Variants in MARCHF2 observed in about 807,000 individuals in gnomAD.
MARCHF2 encodes membrane associated ring-CH-type finger 2, also known as E3 ubiquitin-protein ligase MARCHF2.
Under a neutral mutation model 24.0 loss-of-function variants are expected in MARCHF2, and 22 were observed. That is an observed-to-expected ratio of 0.92 (90% CI 0.66 to 1.31). MARCHF2 has a LOEUF of 1.31. Ranked by LOEUF, MARCHF2 falls within the 50% of genes most tolerant of loss-of-function variation. The pLI, the probability that MARCHF2 is intolerant of heterozygous loss-of-function variation, is 0.00. For missense variants in MARCHF2, 301 were observed against 335.3 expected (o/e 0.90, Z 0.80); for synonymous variants, 154 against 153.0 (o/e 1.01, Z -0.05).
At chr19:8,431,492 G>A (rs1355629362) in intron 4 of MARCHF2, among the ~76,000 whole-genome samples, 1 of 33,834 alleles carries the variant, frequency 3.0e-5, no homozygotes, top group African/African-American at 1.3e-4. Context: ...AGCGAAACTC[G>A]ATCTCAAAAA....
At chr19:8,426,203 C>G (rs1967395564) in intron 2 of MARCHF2, among the ~76,000 whole-genome samples, 1 of 142,386 alleles carries the variant, frequency 7.0e-6, no homozygotes, top group African/African-American at 2.6e-5. Context: ...TGCACTCCAG[C>G]CTGGGTGACA....
At chr19:8,433,504 G>A (rs960825017) in intron 4 of MARCHF2, among the ~76,000 whole-genome samples, 2 of 151,640 alleles carry the variant, frequency 1.3e-5, no homozygotes, top group African/African-American at 2.4e-5. Context: ...TGGTGAAACC[G>A]TGTCTCTACT....
intron 3 of MARCHF2, among the ~76,000 whole-genome samples, chr19:8,428,891 C>T (rs549861747): frequency 5.9e-5 from 9 of 151,474 alleles, no homozygotes; most frequent in Admixed American, 4.6e-4. Context: ...GCCAAGATTG[C>T]ACCACAGCAC....
chr19:8,435,254 G>A (rs774754305), intron 4 of MARCHF2, among the ~76,000 whole-genome samples: 8 of 152,012 alleles, frequency 5.3e-5, no homozygotes, highest in Non-Finnish European at 8.8e-5. Flanking sequence ...TCTTGACCTC[G>A]TGATCCGCCC....
chr19:8,428,677 A>AAAAAAAAAAAAAAAC (rs1967486728), intron 3 of MARCHF2, among the ~76,000 whole-genome samples: 1 of 139,874 alleles, frequency 7.1e-6, no homozygotes, highest in African/African-American at 2.6e-5. Flanking sequence ...AAAAAAAAAA[A>AAAAAAAAAAAAAAAC]AAAAAACCAA....
intron 2 of MARCHF2, among the ~76,000 whole-genome samples, chr19:8,425,020 G>A (rs770982590): frequency 6.6e-6 from 1 of 152,078 alleles, no homozygotes; most frequent in African/African-American, 2.4e-5. Flanking sequence ...TGATCCTCCT[G>A]CCTCAGCCTC....
At chr19:8,422,103 C>T in intron 2 of MARCHF2, 87 bp downstream of exon 2, 1 of 1,437,678 alleles carries the variant, frequency 7.0e-7, no homozygotes, top group South Asian at 1.4e-5. Flanking sequence ...GGTTAGAAGT[C>T]CAACCGTTGA....
At chr19:8,413,800 TTATAA>T (rs1377972952) in intron 1 of MARCHF2, 1 of 152,166 alleles carries the variant, frequency 6.6e-6, no homozygotes, top group East Asian at 1.9e-4. Context: ...AAATAGTAAG[TTATAA>T]TATAATGACC....
At chr19:8,431,786 C>T (rs949710649) in intron 4 of MARCHF2, among the ~76,000 whole-genome samples, 4 of 151,732 alleles carry the variant, frequency 2.6e-5, no homozygotes, top group Admixed American at 6.6e-5. Context: ...TGCAGAGAGC[C>T]GATATTGCGC....
intron 1 of MARCHF2, 168 bp downstream of exon 1, chr19:8,413,588 C>T (rs1312260500): frequency 1.3e-5 from 2 of 152,156 alleles, no homozygotes; most frequent in African/African-American, 2.4e-5. Context: ...GGTGGGAGGT[C>T]TCCGGGGTCC....
At chr19:8,435,045 A>G (rs1479980334) in intron 4 of MARCHF2, among the ~76,000 whole-genome samples, 2 of 139,392 alleles carry the variant, frequency 1.4e-5, no homozygotes, top group African/African-American at 2.7e-5. Flanking sequence ...TTTGAGACAG[A>G]GTCTCGCTCT....
At position 8,414,546 on chromosome 19, in the gene MARCHF2, G is replaced by C. The variant is rs77309220; in HGVS notation, c.-53+1126G>C. Among the ~76,000 whole-genome samples, 1,322 of 152,262 alleles carry C rather than the reference G, an allele frequency of 8.7e-3. 21 individuals are homozygous for C. The highest frequency in any genetic ancestry group is 0.031 in the African/African-American group (1,287 of 41,550). ...GAACTCCCAAAGTGCACAAAGTGCT[G>C]GGATTACAGGCGTGAGCCACTGCGC... is the stretch of plus-strand genomic sequence containing the variant. On this transcript the variant is annotated intron_variant, in intron 1 of 4. Transcript: ENST00000215555.
chr19:8,430,735 G>T lies in MARCHF2; in HGVS notation c.450G>T (p.Pro150=). 6.2e-7 allele frequency: 1 copy of T among 1,611,300 alleles called. No individual in the cohort carries two copies. The change falls in exon 4 of 5, where the codon CCG becomes CCT. Residue 150 remains proline, a synonymous_variant. Transcript: ENST00000215555. This position sits in a 1 kb window ranked among gnomAD's most constrained non-coding sequence, Gnocchi z 4.4. ...CDMVCFLFIT[P]LAAISGWLCL... ...TGGTGTGTTTCCTGTTCATCACACC[G>T]CTGGCCGCCATCTCAGGCTGGTTGT...
chr19:8,428,949 C>T (rs1015857814), intron 3 of MARCHF2, among the ~76,000 whole-genome samples: 2 of 146,160 alleles, frequency 1.4e-5, no homozygotes, highest in Non-Finnish European at 3.0e-5. Context: ...AAACAAAAAA[C>T]AAAAACCCTA....
At chr19:8,436,205 G>C (rs1006744971) in intron 4 of MARCHF2, among the ~76,000 whole-genome samples, 1 of 151,848 alleles carries the variant, frequency 6.6e-6, no homozygotes, top group Non-Finnish European at 1.5e-5. Flanking sequence ...TGCGATCTTG[G>C]CTCACTGCAA....
intron 1 of MARCHF2, among the ~76,000 whole-genome samples, chr19:8,415,524 T>C (rs1967053545): frequency 6.6e-6 from 1 of 150,568 alleles, no homozygotes; most frequent in Non-Finnish European, 1.5e-5. Context: ...TTTGAGACCA[T>C]CCTGGCCAAC....
chr19:8,420,653 G>C (rs938222922), intron 1 of MARCHF2, among the ~76,000 whole-genome samples: 1 of 151,690 alleles, frequency 6.6e-6, no homozygotes, highest in South Asian at 2.1e-4. Context: ...AGCTTTTCTT[G>C]TCTTCTCTTT....
chr19:8,436,355 G>T lies in MARCHF2; in HGVS notation c.583-2033G>T, dbSNP rs147293887. Among the ~76,000 whole-genome samples, 359 of 152,006 alleles carry T rather than the reference G, an allele frequency of 2.4e-3. 4 individuals are homozygous for T. In the East Asian group the frequency reaches 0.033, roughly 14 times the overall value. On this transcript the variant is annotated intron_variant, in intron 4 of 4. Transcript: ENST00000215555. ...TCACCATGTTGGCCAGGATGGTCTC[G>T]ATCTCTTGACCTCGTGATCTGCCCA...
rs12984334 is a variant in MARCHF2 at position 8,420,263 on chromosome 19, G to A, written c.-52-1526G>A. ...CTTGGGAGGCTGAGGCAGGAGAATC[G>A]CTTGAACCCGTAAGGTGGAGGTTGC... On this transcript the variant is annotated intron_variant, in intron 1 of 4. Transcript: ENST00000215555. Among the ~76,000 whole-genome samples the A allele has an allele frequency of 9.9e-3, 1,499 of 151,368 alleles. 12 individuals are homozygous for A. Among genetic ancestry groups the A allele is most frequent in the South Asian group, 0.017 (83 of 4,820 alleles).
Sources: gnomAD v4.1 joint callset for allele counts (sites outside exome capture counted in the v4.1 genomes callset) on GRCh38, gnomAD v4.1.1 for gene constraint, Gnocchi (gnomAD v3.1) non-coding constraint, MANE v1.5 for transcripts, NCBI Gene and HGNC (gene_info 2026-07-23, HGNC 2026-07-21) for gene names.